Variants in FAF1 observed in about 807,000 individuals in gnomAD.
The protein encoded by FAF1 is Fas associated factor 1.
Under a neutral mutation model 92.5 loss-of-function variants are expected in FAF1, and 25 were observed. The observed-to-expected ratio is 0.27, with a 90% CI of 0.20 to 0.38. The LOEUF (loss-of-function observed/expected upper bound fraction) is 0.38, where lower values mean the gene tolerates loss of function less well. FAF1 is among the 10% of genes least tolerant of loss of function. FAF1 has a pLI of 1.00. For synonymous variants in FAF1, 234 were observed against 273.2 expected (o/e 0.86, Z 1.42); for missense variants, 636 against 793.3 (o/e 0.80, Z 2.38).
intron 17 of FAF1, among the ~76,000 whole-genome samples, chr1:50,483,016 G>C (rs1646721045): frequency 6.6e-6 from 1 of 152,072 alleles, no homozygotes; most frequent in African/African-American, 2.4e-5. Context: ...TTATTTTATA[G>C]GTTGTGTCTT....
At chr1:50,538,204 C>A (rs532227492) in intron 14 of FAF1, among the ~76,000 whole-genome samples, 2 of 144,368 alleles carry the variant, frequency 1.4e-5, no homozygotes, top group African/African-American at 5.8e-5. Flanking sequence ...AAAATAATTT[C>A]TATAAGAAAT....
At chr1:50,812,842 C>A (rs1261692445) in intron 2 of FAF1, among the ~76,000 whole-genome samples, 1 of 152,086 alleles carries the variant, frequency 6.6e-6, no homozygotes, top group Non-Finnish European at 1.5e-5. Context: ...CAAGGGTGGA[C>A]TGGAAAAGAA....
At chr1:50,894,684 A>G (rs932813948) in intron 1 of FAF1, among the ~76,000 whole-genome samples, 1 of 152,224 alleles carries the variant, frequency 6.6e-6, no homozygotes, top group Non-Finnish European at 1.5e-5. Flanking sequence ...TCTGACCACA[A>G]TGGAATAAAC....
At chr1:50,884,782 C>T (rs1644644628) in intron 1 of FAF1, among the ~76,000 whole-genome samples, 1 of 151,752 alleles carries the variant, frequency 6.6e-6, no homozygotes, top group Admixed American at 6.6e-5. Flanking sequence ...TAATACTGGC[C>T]TTGTAGAATG....
intron 4 of FAF1, among the ~76,000 whole-genome samples, chr1:50,776,145 AAG>A (rs1316054681): frequency 6.6e-6 from 1 of 152,198 alleles, no homozygotes; most frequent in Non-Finnish European, 1.5e-5. Context: ...AAGTATATGA[AAG>A]AACTTCCAGG....
chr1:50,662,944 G>C (rs1655448490), intron 7 of FAF1, among the ~76,000 whole-genome samples: 1 of 151,486 alleles, frequency 6.6e-6, no homozygotes, highest in African/African-American at 2.4e-5. Context: ...TGATCCGCCC[G>C]CCTTGGCCTC....
chr1:50,481,078 T>A (rs1646698485), intron 17 of FAF1, among the ~76,000 whole-genome samples: 1 of 151,948 alleles, frequency 6.6e-6, no homozygotes, highest in Non-Finnish European at 1.5e-5. Context: ...GAAAGAAAAA[T>A]TTTGGACAGC....
Position 50,574,304 on chromosome 1 carries a change from G to A in FAF1, c.1114-7073C>T, listed in dbSNP as rs566054627. ...GAATAAGGACATGAGAAGCTGAAAC[G>A]ATTGGCTCTTACAGCAAGTTACAGA... On this transcript the variant is annotated intron_variant, in intron 12 of 18. Transcript: ENST00000396153. Among the ~76,000 whole-genome samples, 11 of 152,338 alleles carry A rather than the reference G, an allele frequency of 7.2e-5. No homozygotes were observed. In the South Asian group the frequency reaches 1.9e-3, roughly 26 times the overall value.
intron 4 of FAF1, among the ~76,000 whole-genome samples, chr1:50,786,674 T>A (rs1302632761): frequency 1.3e-5 from 2 of 152,148 alleles, no homozygotes; most frequent in East Asian, 1.9e-4. Context: ...TCTAGAAGAA[T>A]AATCTACATA....
chr1:50,698,145 TTGTG>T (rs147009094), intron 7 of FAF1, among the ~76,000 whole-genome samples: 1 of 151,612 alleles, frequency 6.6e-6, no homozygotes, highest in African/African-American at 2.4e-5. Context: ...GTTTAATTTC[TTGTG>T]TGTGTGTGTG....
At chr1:50,517,914 TA>T (rs1425135359) in intron 15 of FAF1, among the ~76,000 whole-genome samples, 1 of 152,222 alleles carries the variant, frequency 6.6e-6, no homozygotes, top group Non-Finnish European at 1.5e-5. Flanking sequence ...AAAATTTTGT[TA>T]AAACCCATTT....
intron 17 of FAF1, among the ~76,000 whole-genome samples, chr1:50,482,777 C>T (rs1195494409): frequency 2.0e-5 from 3 of 152,054 alleles, no homozygotes; most frequent in African/African-American, 7.2e-5. Context: ...TATTTTGATG[C>T]ACTTATTTGC....
At chr1:50,811,162 C>A (rs543556126) in intron 2 of FAF1, among the ~76,000 whole-genome samples, 1 of 152,072 alleles carries the variant, frequency 6.6e-6, no homozygotes, top group African/African-American at 2.4e-5. Context: ...TGGCATAACC[C>A]CGTCTCTATA....
rs1008484229 is a variant in FAF1, at chr1:50,479,409, G to A, written c.1654-3730C>T. On this transcript the variant is annotated intron_variant, in intron 17 of 18. Transcript: ENST00000396153. ...CGGCCATCTTGGCGCTGTCCCTGAC[G>A]CCACTTAGCAAATGCTGACACTTGG... is the stretch of plus-strand genomic sequence containing the variant. Among the ~76,000 whole-genome samples, 13 of 152,080 alleles carry A rather than the reference G, an allele frequency of 8.5e-5. 1 individual carries two copies. The highest frequency in any genetic ancestry group is 2.2e-4 in the African/African-American group (9 of 41,336).
intron 5 of FAF1, among the ~76,000 whole-genome samples, 188 bp from the exon 6 acceptor site, chr1:50,739,142 A>T (rs145342630): frequency 6.6e-6 from 1 of 151,934 alleles, no homozygotes; most frequent in African/African-American, 2.4e-5. Flanking sequence ...TAATATATAC[A>T]TATATAGGGG....
At chr1:50,930,000 CCTT>C (rs2124742972) in intron 1 of FAF1, among the ~76,000 whole-genome samples, 1 of 152,190 alleles carries the variant, frequency 6.6e-6, no homozygotes, top group South Asian at 2.1e-4. Context: ...GATGCAAATA[CCTT>C]CTTTTTTCCA....
chr1:50,885,991 G>GC (rs891702571), intron 1 of FAF1, among the ~76,000 whole-genome samples: 37 of 152,112 alleles, frequency 2.4e-4, no homozygotes, highest in African/African-American at 8.9e-4. Context: ...CTTAACATCA[G>GC]CCCCCCTCTT....
Position 50,475,674 on chromosome 1 carries a change from G to C in FAF1, c.1659C>G (p.Ile553Met), listed in dbSNP as rs1181701488. The change falls in exon 18 of 19, where the codon ATC (isoleucine) becomes ATG (methionine). Residue 553 changes from isoleucine to methionine, a missense_variant. Around this residue, in one of 2 missense-constraint regions of FAF1, gnomAD observed 319 missense variants for 451.0 expected, o/e 0.71. Coordinates refer to ENST00000396153, the MANE Select transcript of FAF1 (RefSeq NM_007051.3). ...GCAGGGCTTGCTCTAAGGACAGCCG[G>C]ATGGCCTAGGGAGAGCAAAAACCAG... is the stretch of plus-strand genomic sequence containing the variant. ...RKEQEEEREA[I>M]RLSLEQALPP... The C allele has an allele frequency of 6.2e-7, 1 of 1,612,898 alleles. No homozygotes were observed. The highest frequency in any genetic ancestry group is 8.5e-7 in the Non-Finnish European group (1 of 1,179,308).
intron 17 of FAF1, among the ~76,000 whole-genome samples, chr1:50,479,023 A>G (rs1331518075): frequency 6.6e-6 from 1 of 152,246 alleles, no homozygotes; most frequent in Non-Finnish European, 1.5e-5. Context: ...CCTCAAAGTC[A>G]GTATTCTGAC....
Sources: gnomAD v4.1 joint callset for allele counts (sites outside exome capture counted in the v4.1 genomes callset) on GRCh38, gnomAD v4.1.1 for gene constraint, gnomAD v4.1.1 regional missense constraint, MANE v1.5 for transcripts, NCBI Gene and HGNC (gene_info 2026-07-23, HGNC 2026-07-21) for gene names.